The following TBK1 variants were observed in gnomAD, a reference collection of about 807,000 sequenced individuals.
TBK1 encodes TANK binding kinase 1, also known as serine/threonine-protein kinase TBK1.
In TBK1, 37 loss-of-function variants were observed where a neutral mutation model predicts 99.9. The ratio of observed to expected loss-of-function variants is 0.37; its 90% CI spans 0.28 to 0.49. The LOEUF is 0.49. TBK1 is among the 20% of genes least tolerant of loss of function. The pLI is 0.98. For missense variants in TBK1, 644 were observed against 872.5 expected (o/e 0.74, Z 3.30); for synonymous variants, 258 against 279.8 (o/e 0.92, Z 0.78).
chr12:64,492,187 A>G lies in TBK1; in HGVS notation c.1521+2068A>G, dbSNP rs145603458. 3.9e-5 allele frequency among the ~76,000 whole-genome samples: 6 copies of G among 152,336 alleles called. 1 individual carries two copies. The East Asian group carries it at 9.6e-4, about 24-fold the overall frequency. On this transcript the variant is annotated intron_variant, in intron 13 of 20. Coordinates refer to ENST00000331710, the MANE Select transcript of TBK1 (RefSeq NM_013254.4). ...TTACCTGCTCATAGGCCTAGTGGACATTTATTTCCAGGGCCAGCATCGTTT... is the reference window on the plus strand; with the variant it reads ...TTACCTGCTCATAGGCCTAGTGGACGTTTATTTCCAGGGCCAGCATCGTTT...
intron 13 of TBK1, among the ~76,000 whole-genome samples, chr12:64,493,353 G>T (rs932294199): frequency 6.7e-6 from 1 of 149,620 alleles, no homozygotes; most frequent in African/African-American, 2.5e-5. Context: ...GCCACAGGTC[G>T]CAGTGGTTCA....
In TBK1 at chr12:64,484,500, G is replaced by A. The variant is rs2136078402; in HGVS notation, c.1189+1G>A. 1.3e-6 allele frequency: 2 copies of A among 1,592,474 alleles called. No individual in the cohort carries two copies. The highest frequency in any genetic ancestry group is 1.8e-5 in the Admixed American group (1 of 54,682). On this transcript the variant is annotated splice_donor_variant, in intron 9 of 20. Coordinates refer to ENST00000331710, the MANE Select transcript of TBK1 (RefSeq NM_013254.4). LOFTEE classifies it high-confidence loss of function. ...ACCATAGGATTAATATATGAAAAAA[G>A]TAAGTTGGGATTTTTCTTGTCGTTC...
chr12:64,471,483 G>A (rs1444908025), intron 5 of TBK1, among the ~76,000 whole-genome samples: 1 of 152,070 alleles, frequency 6.6e-6, no homozygotes, highest in Non-Finnish European at 1.5e-5. Flanking sequence ...TTCCCAAGTA[G>A]CTGGGATTAC....
intron 1 of TBK1, among the ~76,000 whole-genome samples, chr12:64,454,895 T>A (rs968946918): frequency 4.0e-5 from 6 of 151,370 alleles, no homozygotes; most frequent in Admixed American, 3.9e-4. Context: ...TCCAGGATGG[T>A]CTCAATCTCC....
chr12:64,464,579 C>A, intron 4 of TBK1, 116 bp downstream of exon 4: 1 of 744,006 alleles, frequency 1.3e-6, no homozygotes, highest in East Asian at 3.3e-5. Flanking sequence ...TTAGATATGA[C>A]ACCAAAAGCA....
intron 13 of TBK1, 128 bp downstream of exon 13, chr12:64,490,247 C>T: frequency 3.8e-6 from 2 of 524,664 alleles, no homozygotes; most frequent in South Asian, 3.7e-5. Context: ...ACTCAGGAGG[C>T]CGAGGCAGGA....
At position 64,488,713 on chromosome 12, in the gene TBK1, G is replaced by C. The variant is rs904262247; in HGVS notation, c.1442+125G>C. 4.2e-6 allele frequency: 3 copies of C among 713,296 alleles called. No homozygotes were observed. In the African/African-American group the frequency reaches 5.7e-5, roughly 13 times the overall value. The allele number at this position is 713,296 out of a possible 1,614,324, so 44.2% of individuals were successfully genotyped here. A position where few individuals can be genotyped will look rare whatever the true frequency, so the allele number is the denominator to read the frequency against. Reference sequence around the variant, plus strand: ...CTAGGGTTTCTATTAAAGATCAGCGGCCTGGCACGGTGGCTCATGCCTGTA... The same window carrying C: ...CTAGGGTTTCTATTAAAGATCAGCGCCCTGGCACGGTGGCTCATGCCTGTA... On this transcript the variant is annotated intron_variant, in intron 12 of 20. Transcript: ENST00000331710.
Position 64,490,080 on chromosome 12 carries a change from G to A in TBK1, c.1482G>A (p.Glu494=). 1 of 1,611,670 alleles carries A rather than the reference G, an allele frequency of 6.2e-7. No homozygotes were observed. Among genetic ancestry groups the A allele is most frequent in the Non-Finnish European group, 8.5e-7 (1 of 1,178,942 alleles). The change falls in exon 13 of 21, where the codon GAG becomes GAA. Residue 494 remains glutamate (E), a synonymous_variant. Coordinates refer to ENST00000331710, the MANE Select transcript of TBK1 (RefSeq NM_013254.4). ...TGAAGATCAACCTGGAAGCGGCAGA[G>A]TTAGGTGAAATTTCAGACATACACA... ...KLMKINLEAA[E]LGEISDIHTK...
At chr12:64,495,443 G>T in intron 13 of TBK1, 40 bp from the exon 14 acceptor site, 1 of 1,604,862 alleles carries the variant, frequency 6.2e-7, no homozygotes, top group African/African-American at 1.3e-5. Context: ...ATCATTTCTG[G>T]CTTTTGGCAA....
chr12:64,499,399 C>T (rs1185299555), intron 20 of TBK1, among the ~76,000 whole-genome samples: 1 of 152,070 alleles, frequency 6.6e-6, no homozygotes, highest in Non-Finnish European at 1.5e-5. Context: ...AAAACCTATG[C>T]ATTTGGCAAC....
At chr12:64,491,946 G>T (rs2040873918) in intron 13 of TBK1, among the ~76,000 whole-genome samples, 1 of 152,166 alleles carries the variant, frequency 6.6e-6, no homozygotes, top group African/African-American at 2.4e-5. Flanking sequence ...TTTGATTCAG[G>T]TATATACACA....
At chr12:64,499,311 C>T (rs545115779) in intron 20 of TBK1, among the ~76,000 whole-genome samples, 44 of 151,958 alleles carry the variant, frequency 2.9e-4, no homozygotes, top group Non-Finnish European at 5.7e-4. Context: ...TCCCAAAGTG[C>T]TGGGATTACA....
chr12:64,495,186 T>C (rs2040912659), intron 13 of TBK1, among the ~76,000 whole-genome samples: 1 of 152,222 alleles, frequency 6.6e-6, no homozygotes, highest in East Asian at 1.9e-4. Context: ...TAACCACTTT[T>C]TACAGATAAG....
At chr12:64,497,947 G>T (rs779639752) in intron 19 of TBK1, 21 bp from the exon 20 acceptor site, 3 of 1,600,100 alleles carry the variant, frequency 1.9e-6, no homozygotes, top group Non-Finnish European at 2.6e-6. Flanking sequence ...TTTGAGCAAA[G>T]GTGCTTGTTT....
At chr12:64,492,688 T>G (rs1286186104) in intron 13 of TBK1, among the ~76,000 whole-genome samples, 1 of 152,018 alleles carries the variant, frequency 6.6e-6, no homozygotes, top group Non-Finnish European at 1.5e-5. Flanking sequence ...ACTTCTCACT[T>G]CAAGCCAATT....
chr12:64,479,858 A>G (rs1232995719), intron 6 of TBK1, among the ~76,000 whole-genome samples, 154 bp from the exon 7 acceptor site: 3 of 152,176 alleles, frequency 2.0e-5, no homozygotes, highest in Non-Finnish European at 4.4e-5. Context: ...GATTCAAAGT[A>G]TTTTGATTGT....
Position 64,495,537 on chromosome 12 carries a change from T to G in TBK1, c.1576T>G (p.Leu526Val). The change falls in exon 14 of 21, where the codon TTA becomes GTA. Residue 526 changes from leucine (L) to valine (V), a missense_variant. By Grantham distance (32) the Leu-to-Val change is conservative (BLOSUM62 1). Transcript: ENST00000331710. ...ETSLQDIDSR[L>V]SPGGSLADAW... is the part of the protein sequence containing the mutation. ...CAGTCTTCAGGATATCGACAGCAGA[T>G]TATCTCCAGGTGGATCACTGGCAGA... 6.2e-7 allele frequency: 1 copy of G among 1,614,078 alleles called. No homozygotes were observed. Among genetic ancestry groups the G allele is most frequent in the South Asian group, 1.1e-5 (1 of 91,080 alleles).
At chr12:64,458,816 G>T (rs1400253945) in intron 2 of TBK1, among the ~76,000 whole-genome samples, 1 of 152,118 alleles carries the variant, frequency 6.6e-6, no homozygotes, top group Non-Finnish European at 1.5e-5. Context: ...CATAGATTTG[G>T]CAGTGTCTTA....
rs1236339536 is a variant in TBK1, at chr12:64,501,321, G to T, written c.2139-9G>T. On this transcript the variant is annotated splice_polypyrimidine_tract_variant and intron_variant, in intron 20 of 20. Transcript: ENST00000331710. ...AGATTACCTTTTTTTCTTTGTGTGT[G>T]TGTTTTAGGTTTGGCTCTTTAACCA... 2 of 1,613,660 alleles carry T rather than the reference G, an allele frequency of 1.2e-6. No homozygotes were observed. The highest frequency in any genetic ancestry group is 8.5e-7 in the Non-Finnish European group (1 of 1,179,904).
Sources: allele counts gnomAD v4.1 joint callset (sites outside exome capture counted in the v4.1 genomes callset), GRCh38; gene constraint gnomAD v4.1.1; transcripts MANE v1.5; gene names NCBI Gene and HGNC (gene_info 2026-07-23, HGNC 2026-07-21).